Variants in GNAS observed in about 807,000 individuals in gnomAD.
GNAS encodes the protein GNAS complex locus.
Under a neutral mutation model 54.5 loss-of-function variants are expected in GNAS, and 8 were observed. The observed-to-expected ratio is 0.15, with a 90% CI of 0.09 to 0.26. The LOEUF is 0.26. Ranked by LOEUF, GNAS falls within the 10% of genes least tolerant of loss-of-function variation. GNAS has a pLI of 1.00. For synonymous variants in GNAS, 204 were observed against 191.4 expected, an observed-to-expected ratio of 1.07 and a Z score of -0.54; for missense variants, 170 against 529.8, an observed-to-expected ratio of 0.32 and a Z score of 6.67.
chr20:58,889,343 C>G (rs945392158), upstream of GNAS: 28 of 985,706 alleles, frequency 2.8e-5, no homozygotes, highest in Non-Finnish European at 3.2e-5. Flanking sequence ...GTGAGTGCAC[C>G]TCACTCACAT....
chr20:58,889,364 G>A (rs1052047233), upstream of GNAS: 13 of 984,084 alleles, frequency 1.3e-5, no homozygotes, highest in African/African-American at 3.5e-5. Context: ...GTAAGTCGGG[G>A]AGCGCCGGGG....
chr20:58,886,215 T>A (rs892411469), intron 1 of GNAS, among the ~76,000 whole-genome samples: 1 of 152,234 alleles, frequency 6.6e-6, no homozygotes, highest in African/African-American at 2.4e-5. Flanking sequence ...GGGACGTTGT[T>A]CATTGTTGTC....
At chr20:58,855,105 C>A in intron 1 of GNAS, 1 of 1,613,696 alleles carries the variant, frequency 6.2e-7, no homozygotes, top group Non-Finnish European at 8.5e-7. Context: ...CTTTCTCGTG[C>A]AAGCCTTCGG....
intron 1 of GNAS, chr20:58,850,792 G>A (rs938765803): frequency 2.8e-5 from 11 of 398,642 alleles, no homozygotes; most frequent in South Asian, 2.5e-4. Flanking sequence ...GTGACCCCAC[G>A]GCGCTAGCGG....
chr20:58,901,060 A>G (rs1428350563), intron 3 of GNAS, among the ~76,000 whole-genome samples: 1 of 152,222 alleles, frequency 6.6e-6, no homozygotes, highest in Non-Finnish European at 1.5e-5. Context: ...CTCTTGCTGT[A>G]TGCAGATTTG....
intron 6 of GNAS, among the ~76,000 whole-genome samples, chr20:58,906,559 T>G (rs1041728969): frequency 6.6e-6 from 1 of 152,080 alleles, no homozygotes; most frequent in African/African-American, 2.4e-5. Context: ...TGAAACGGAG[T>G]CTCACTCTGT....
rs79067846 is a variant in GNAS at position 58,849,813 on chromosome 20, G to C, written c.43+8927G>C. Among the ~76,000 whole-genome samples, 1,216 of 152,280 alleles carry C rather than the reference G, an allele frequency of 8.0e-3. 9 individuals carry two copies. The highest frequency in any genetic ancestry group is 0.013 in the Non-Finnish European group (905 of 68,032). On this transcript the variant is annotated intron_variant, in intron 1 of 12. Coordinates refer to the GNAS transcript ENST00000306090. ...TCTCTCCTTTAAACATCTCCTTTGT[G>C]CATAACCCCTTTCCTTTGTTCTCGA... is the stretch of plus-strand genomic sequence containing the variant.
rs149074204 is a variant in GNAS, at chr20:58,865,544, CT to C, written c.43+24668del. On this transcript the variant is annotated intron_variant, in intron 1 of 12. Coordinates refer to the GNAS transcript ENST00000306090. The stretch of plus-strand genomic sequence containing the variant: ...TATATATCATCTATAATATAAAATA[CT>C]TTTTTTTTTCCAGAGAAAAGTTTGT... 8.3e-5 allele frequency among the ~76,000 whole-genome samples: 12 copies of C among 144,108 alleles called. 1 individual carries two copies. The highest frequency in any genetic ancestry group is 2.2e-4 in the South Asian group (1 of 4,630). 94.5% of individuals were successfully genotyped at this position (144,108 alleles called of 152,430 possible). A position where few individuals can be genotyped will look rare whatever the true frequency, so the allele number is the denominator to read the frequency against.
At chr20:58,905,835 A>G (rs894802499) in intron 6 of GNAS, among the ~76,000 whole-genome samples, 2 of 152,242 alleles carry the variant, frequency 1.3e-5, no homozygotes, top group Non-Finnish European at 2.9e-5. Flanking sequence ...ATGTAAAAAT[A>G]CTATATTTTA....
chr20:58,909,643 G>A lies in GNAS; in HGVS notation c.719-41G>A, dbSNP rs775375002. 2.5e-6 allele frequency: 4 copies of A among 1,614,112 alleles called. No individual in the cohort carries two copies. The highest frequency in any genetic ancestry group is 3.4e-6 in the Non-Finnish European group (4 of 1,180,006). On this transcript the variant is annotated intron_variant, in intron 9 of 12. Coordinates refer to ENST00000371085, the MANE Select transcript of GNAS (RefSeq NM_000516.7). This position sits in a 1 kb window ranked among gnomAD's most constrained non-coding sequence, Gnocchi z 7.3. ...TTGCTTCTGTGTTGTTAGGGATCAG[G>A]GTCGCTGCTCACGCTCTTGGCTTTG...
intron 1 of GNAS, chr20:58,851,016 G>A: frequency 5.0e-6 from 2 of 398,034 alleles, no homozygotes; most frequent in Non-Finnish European, 8.8e-6. Flanking sequence ...GGGGTCGGAG[G>A]GGAGTGAGTT....
In GNAS at chr20:58,853,499, T is replaced by G; in HGVS notation, c.43+12613T>G. 6.2e-7 allele frequency: 1 copy of G among 1,613,164 alleles called. No homozygotes were observed. Reference sequence around the variant, plus strand: ...CCCCAGAGGTCTCCAGACCCAACTTTCAGGTCCTCAACCCGGCATTCAGGG... The same window carrying G: ...CCCCAGAGGTCTCCAGACCCAACTTGCAGGTCCTCAACCCGGCATTCAGGG... On this transcript the variant is annotated intron_variant, in intron 1 of 12. Coordinates refer to the GNAS transcript ENST00000306090. This position sits in a 1 kb window ranked among gnomAD's most constrained non-coding sequence, Gnocchi z 4.4.
chr20:58,903,884 G>GGGCT, intron 5 of GNAS, 93 bp downstream of exon 5: 1 of 1,363,554 alleles, frequency 7.3e-7, no homozygotes, highest in Non-Finnish European at 1.0e-6. Flanking sequence ...CACATGGGCA[G>GGGCT]GAGCATCCAA....
At chr20:58,848,416 A>G (rs2086023140) in intron 1 of GNAS, among the ~76,000 whole-genome samples, 2 of 152,188 alleles carry the variant, frequency 1.3e-5, no homozygotes, top group Non-Finnish European at 2.9e-5. Flanking sequence ...CCTTAGCTGC[A>G]TAAACACATT....
chr20:58,839,781 G>A (rs2085652349), upstream of GNAS: 3 of 567,444 alleles, frequency 5.3e-6, no homozygotes, highest in East Asian at 8.7e-5. Flanking sequence ...CAAGAGGACC[G>A]GCGGAGGCAC....
chr20:58,897,708 T>C (rs993479878), intron 2 of GNAS: 8 of 152,276 alleles, frequency 5.3e-5, no homozygotes, highest in African/African-American at 1.9e-4. Context: ...TTGCCTTCTT[T>C]GCAGACAAGG....
chr20:58,889,231 C>G (rs1275057760), upstream of GNAS: 7 of 1,205,398 alleles, frequency 5.8e-6, no homozygotes, highest in Non-Finnish European at 7.4e-6. Context: ...GCCGGCGCGG[C>G]GCTCCCCTGC....
Position 58,853,562 on chromosome 20 carries a change from G to A in GNAS, c.43+12676G>A. 2 of 1,613,342 alleles carry A rather than the reference G, an allele frequency of 1.2e-6. No individual in the cohort carries two copies. Among genetic ancestry groups the A allele is most frequent in the Non-Finnish European group, 1.7e-6 (2 of 1,179,896 alleles). On this transcript the variant is annotated intron_variant, in intron 1 of 12. Transcript: ENST00000306090. The surrounding 1 kb of genome is among the most constrained non-coding windows in gnomAD (Gnocchi z 4.4). ...ATGGAAGCTACAGCCCACCTCCTGA[G>A]GAAGCAATGCCCTTCGAGGCTGAAC...
intron 1 of GNAS, chr20:58,854,745 G>C: frequency 6.5e-7 from 1 of 1,542,252 alleles, no homozygotes; most frequent in Non-Finnish European, 8.7e-7. Context: ...TGCGCCAGAC[G>C]CAGGGGCTCC....
Sources: gnomAD v4.1 joint callset for allele counts (sites outside exome capture counted in the v4.1 genomes callset) on GRCh38, gnomAD v4.1.1 for gene constraint, Gnocchi (gnomAD v3.1) non-coding constraint, MANE v1.5 for transcripts, NCBI Gene and HGNC (gene_info 2026-07-23, HGNC 2026-07-21) for gene names.